Variants in DYSF observed in about 807,000 individuals in gnomAD.
DYSF encodes the protein dysferlin, also known as dystrophy-associated fer-1-like 1.
A neutral mutation model predicts 274.9 loss-of-function variants in DYSF; 212 were observed. The ratio of observed to expected loss-of-function variants is 0.77; its 90% CI spans 0.69 to 0.86. DYSF has a LOEUF of 0.86. DYSF is among the 40% of genes least tolerant of loss of function. DYSF has a pLI of 0.00. For synonymous variants in DYSF, 1,091 were observed against 1,078.7 expected (o/e 1.01, Z -0.22); for missense variants, 2,666 against 2,783.2 (o/e 0.96, Z 0.95).
At chr2:71,609,854 C>T (rs1397691020) in intron 36 of DYSF, among the ~76,000 whole-genome samples, 1 of 152,174 alleles carries the variant, frequency 6.6e-6, no homozygotes, top group African/African-American at 2.4e-5. Flanking sequence ...TATGGCAGAG[C>T]GTCTGTATGG....
Position 71,503,242 on chromosome 2 carries a change from CGA to C in DYSF, c.272_273del (p.Glu91GlyfsTer6), listed in dbSNP as rs1559021379. On this transcript the variant is annotated frameshift_variant, in exon 4 of 56. Transcript: ENST00000410020. LOFTEE classifies it high-confidence loss of function. Reference sequence around the variant, plus strand: ...CCTGGGGGAAGCCAAGGTCCCACTCCGAGAGGTCCTCGCCACCCCTAGTCTGT... The same window carrying C: ...CCTGGGGGAAGCCAAGGTCCCACTCCGAGGTCCTCGCCACCCCTAGTCTGT... ...RFLGEAKVPL[R>X]EVLATPSLSA... 1 of 1,614,032 alleles carries C rather than the reference CGA, an allele frequency of 6.2e-7. No homozygotes were observed. The highest frequency in any genetic ancestry group is 8.5e-7 in the Non-Finnish European group (1 of 1,179,948).
intron 44 of DYSF, among the ~76,000 whole-genome samples, chr2:71,659,816 G>T (rs1426390460): frequency 6.6e-6 from 1 of 152,206 alleles, no homozygotes; most frequent in African/African-American, 2.4e-5. Flanking sequence ...GAAAGAAAGA[G>T]GAAAGAAGAG....
chr2:71,600,396 C>T (rs1039912358), intron 33 of DYSF, among the ~76,000 whole-genome samples: 3 of 152,198 alleles, frequency 2.0e-5, no homozygotes, highest in African/African-American at 7.2e-5. Context: ...CTCTGGTCTC[C>T]AATAGTCTTA....
intron 17 of DYSF, among the ~76,000 whole-genome samples, chr2:71,543,777 A>G (rs1030784004): frequency 1.2e-4 from 18 of 152,164 alleles, no homozygotes; most frequent in African/African-American, 4.1e-4. Context: ...CAGGAGAATC[A>G]GGCACGGAGG....
At chr2:71,505,167 T>A (rs1396592035) in intron 4 of DYSF, among the ~76,000 whole-genome samples, 1 of 152,200 alleles carries the variant, frequency 6.6e-6, no homozygotes, top group Non-Finnish European at 1.5e-5. Context: ...GTCCATGTGA[T>A]GGCATTAAGG....
At chr2:71,453,735 G>A (rs1025695746) in exon 1 of DYSF, 2 of 545,296 alleles carry the variant, frequency 3.7e-6, no homozygotes, top group Non-Finnish European at 6.6e-6. Flanking sequence ...TGGAAGATGA[G>A]CAGAAGCCCC....
intron 55 of DYSF, among the ~76,000 whole-genome samples, chr2:71,683,961 A>G (rs1352032087): frequency 6.6e-6 from 1 of 152,224 alleles, no homozygotes; most frequent in Non-Finnish European, 1.5e-5. Context: ...TGGGGAAAGG[A>G]TGTCTGGTTT....
At position 71,513,378 on chromosome 2, in the gene DYSF, A is replaced by G. The variant is rs985883567; in HGVS notation, c.553+46A>G. 7 of 1,527,452 alleles carry G rather than the reference A, an allele frequency of 4.6e-6. No homozygotes were observed. The Admixed American group carries it at 1.2e-4, about 26-fold the overall frequency. 94.6% of individuals were successfully genotyped at this position (1,527,452 alleles called of 1,614,324 possible). A position where few individuals can be genotyped will look rare whatever the true frequency, so the allele number is the denominator to read the frequency against. On this transcript the variant is annotated intron_variant, in intron 6 of 55. Transcript: ENST00000410020. ...GTCCTGATCCCAGACCCTCCCTGTA[A>G]CTGTCTCACTAGCTGCCATGGTCAG...
At chr2:71,596,999 C>G (rs889733289) in intron 32 of DYSF, among the ~76,000 whole-genome samples, 9 of 152,326 alleles carry the variant, frequency 5.9e-5, no homozygotes, top group Non-Finnish European at 1.0e-4. Flanking sequence ...CTTCCCACCT[C>G]TTTCCTGGTC....
chr2:71,466,552 A>T, upstream of DYSF: 1 of 876,698 alleles, frequency 1.1e-6, no homozygotes, highest in Non-Finnish European at 1.4e-6. Flanking sequence ...CCGCGGAGCT[A>T]GGGACCAGCA....
chr2:71,538,223 A>G (rs1418570142), intron 16 of DYSF, among the ~76,000 whole-genome samples: 2 of 152,236 alleles, frequency 1.3e-5, no homozygotes, highest in Admixed American at 1.3e-4. Flanking sequence ...GTTTTAGCAC[A>G]GTGCTTGGCT....
chr2:71,620,532 A>G lies in DYSF; in HGVS notation c.4465-15A>G, dbSNP rs2094070362. 3 of 1,551,610 alleles carry G rather than the reference A, an allele frequency of 1.9e-6. No homozygotes were observed. The highest frequency in any genetic ancestry group is 2.4e-5 in the South Asian group (2 of 84,070). ...TTCTCTAATCCTGTTGCTAACCAGCATGTTTCATTTGTAGCTTGCAGACGG... is the reference window on the plus strand; with the variant it reads ...TTCTCTAATCCTGTTGCTAACCAGCGTGTTTCATTTGTAGCTTGCAGACGG... On this transcript the variant is annotated splice_polypyrimidine_tract_variant and intron_variant, in intron 40 of 55. Coordinates refer to ENST00000410020, the MANE Select transcript of DYSF (RefSeq NM_001130987.2).
At chr2:71,580,477 G>A (rs1275687126) in intron 30 of DYSF, among the ~76,000 whole-genome samples, 5 of 152,198 alleles carry the variant, frequency 3.3e-5, no homozygotes, top group African/African-American at 7.2e-5. Flanking sequence ...AGGGAGGGGC[G>A]GCTCTGCGCC....
intron 18 of DYSF, 81 bp downstream of exon 18, chr2:71,551,237 T>C: frequency 6.9e-7 from 1 of 1,439,634 alleles, no homozygotes; most frequent in Non-Finnish European, 9.8e-7. Flanking sequence ...TGCAGGGTCT[T>C]CCAGCCCCTC....
In DYSF at chr2:71,574,183, C is replaced by T. The variant is rs199546799; in HGVS notation, c.3229-15C>T. 5 of 1,613,522 alleles carry T rather than the reference C, an allele frequency of 3.1e-6. No individual in the cohort carries two copies. The highest frequency in any genetic ancestry group is 4.5e-5 in the East Asian group (2 of 44,882). On this transcript the variant is annotated splice_polypyrimidine_tract_variant and intron_variant, in intron 29 of 55. Transcript: ENST00000410020. The stretch of plus-strand genomic sequence containing the variant: ...CTTCCCACCGGCCTCTGAGTCTGCC[C>T]CTTCTCTTGTGCAGCACAGGCAGGC...
rs940185613 is a variant in DYSF at position 71,517,659 on chromosome 2, G to C, written c.1002+620G>C. Among the ~76,000 whole-genome samples the C allele has an allele frequency of 3.9e-5, 6 of 152,166 alleles. No individual in the cohort carries two copies. In the South Asian group the frequency reaches 1.0e-3, roughly 26 times the overall value. ...TACAACTTGGAGCAAGGTGCGCACG[G>C]GAGTTAGGCTCCTATCTTCCGACAG... is the stretch of plus-strand genomic sequence containing the variant. On this transcript the variant is annotated intron_variant, in intron 10 of 55. Transcript: ENST00000410020.
chr2:71,619,661 C>T (rs576551670), intron 40 of DYSF, among the ~76,000 whole-genome samples: 3 of 152,316 alleles, frequency 2.0e-5, no homozygotes, highest in Non-Finnish European at 2.9e-5. Context: ...CCTCCTGACC[C>T]GTTTGCTCTT....
At chr2:71,609,927 A>T (rs2093717642) in intron 36 of DYSF, among the ~76,000 whole-genome samples, 1 of 152,250 alleles carries the variant, frequency 6.6e-6, no homozygotes, top group South Asian at 2.1e-4. Context: ...CAATGATTTC[A>T]TTGTTTAATA....
Position 71,600,729 on chromosome 2 carries a change from A to G in DYSF, c.3784A>G (p.Ile1262Val), listed in dbSNP as rs200942650. 9.9e-6 allele frequency: 16 copies of G among 1,613,990 alleles called. 1 individual carries two copies. Residue 1262 changes from isoleucine (I) to valine (V), a missense_variant, in exon 34 of 56, where the codon ATC becomes GTC. This residue lies in a region of DYSF where 1,460 missense variants were observed against 1,502.1 expected (regional missense o/e 0.97). Coordinates refer to ENST00000410020, the MANE Select transcript of DYSF (RefSeq NM_001130987.2). ...TGCAGACGAGTTTATGGGTCGCTGCATCTGTCAACCGAGTCTGGAACGGAT... is the reference window on the plus strand; with the variant it reads ...TGCAGACGAGTTTATGGGTCGCTGCGTCTGTCAACCGAGTCTGGAACGGAT... The part of the protein sequence containing the change: ...YGADEFMGRC[I>V]CQPSLERMPR...
Sources: gnomAD v4.1 joint callset for allele counts (sites outside exome capture counted in the v4.1 genomes callset) on GRCh38, gnomAD v4.1.1 for gene constraint, gnomAD v4.1.1 regional missense constraint, MANE v1.5 for transcripts, NCBI Gene and HGNC (gene_info 2026-07-23, HGNC 2026-07-21) for gene names.